The following INO80D variants were observed in gnomAD, a reference collection of about 807,000 sequenced individuals.
The protein encoded by INO80D is INO80 complex subunit D.
In INO80D, 21 loss-of-function variants were observed where a neutral mutation model predicts 87.6. The observed-to-expected ratio is 0.24, with a 90% confidence interval of 0.17 to 0.35. The LOEUF is 0.35. Among genes scored for constraint, INO80D ranks in the 10% least tolerant of loss-of-function variants. The pLI, the probability that INO80D is intolerant of heterozygous loss-of-function variation, is 1.00. For synonymous variants in INO80D, 440 were observed against 491.0 expected, an observed-to-expected ratio of 0.90 and a Z score of 1.37; for missense variants, 982 against 1,280.7, an observed-to-expected ratio of 0.77 and a Z score of 3.56.
intron 7 of INO80D, among the ~76,000 whole-genome samples, chr2:206,018,449 G>A (rs1688376268): frequency 6.6e-6 from 1 of 151,892 alleles, no homozygotes; most frequent in Non-Finnish European, 1.5e-5. Flanking sequence ...CCTGGCCAAT[G>A]GTTTTCTTTT....
intron 8 of INO80D, among the ~76,000 whole-genome samples, chr2:206,015,110 T>C (rs985061834): frequency 5.9e-5 from 9 of 152,324 alleles, no homozygotes; most frequent in Admixed American, 5.2e-4. Context: ...ACTTGGGTGC[T>C]ATTAGAAGCA....
chr2:206,060,394 G>T (rs376521030), intron 3 of INO80D, among the ~76,000 whole-genome samples: 1 of 151,728 alleles, frequency 6.6e-6, no homozygotes, highest in African/African-American at 2.4e-5. Context: ...TTAGCCGAGC[G>T]TGGTAGTGTG....
At chr2:206,077,504 C>A (rs1690152023) in intron 1 of INO80D, among the ~76,000 whole-genome samples, 1 of 152,086 alleles carries the variant, frequency 6.6e-6, no homozygotes, top group Non-Finnish European at 1.5e-5. Flanking sequence ...ATATTTCCTA[C>A]ATTCTATAGA....
chr2:206,066,754 G>A (rs914063614), intron 1 of INO80D, among the ~76,000 whole-genome samples: 12 of 146,842 alleles, frequency 8.2e-5, no homozygotes, highest in East Asian at 2.0e-4. Context: ...GCAGTGAGCC[G>A]AGATCGCACT....
chr2:206,017,955 C>T, intron 7 of INO80D, 142 bp from the exon 8 acceptor site: 1 of 654,172 alleles, frequency 1.5e-6, no homozygotes, highest in African/African-American at 1.8e-5. Flanking sequence ...AGTACTAGCT[C>T]AACTACTGAT....
At chr2:206,077,425 A>ATT (rs1690150193) in intron 1 of INO80D, among the ~76,000 whole-genome samples, 2 of 152,192 alleles carry the variant, frequency 1.3e-5, no homozygotes, top group African/African-American at 4.8e-5. Flanking sequence ...GTAGGACTAA[A>ATT]ATACATTCTC....
In INO80D at chr2:206,063,223, G is replaced by A; in HGVS notation, c.-102C>T. 1.8e-6 allele frequency: 1 copy of A among 570,178 alleles called. No individual in the cohort carries two copies. Among genetic ancestry groups the A allele is most frequent in the South Asian group, 2.4e-5 (1 of 41,218 alleles). 35.3% of individuals were successfully genotyped at this position (570,178 alleles called of 1,614,324 possible). A position where few individuals can be genotyped will look rare whatever the true frequency, so the allele number is the denominator to read the frequency against. On this transcript the variant is annotated 5_prime_UTR_variant, in exon 2 of 11. Coordinates refer to ENST00000403263, the MANE Select transcript of INO80D (RefSeq NM_017759.5). ...GGATACCACAGTTTGGAATGCCGCAGAATCAGGATGAAGCAGATTGTCTAT... is the reference window on the plus strand; with the variant it reads ...GGATACCACAGTTTGGAATGCCGCAAAATCAGGATGAAGCAGATTGTCTAT...
chr2:206,035,907 A>C (rs1688879864), intron 5 of INO80D, among the ~76,000 whole-genome samples: 2 of 152,176 alleles, frequency 1.3e-5, no homozygotes, highest in Admixed American at 6.5e-5. Flanking sequence ...CCCAATAAAA[A>C]GTGGGCTACG....
At chr2:206,074,357 T>TA (rs1690053996) in intron 1 of INO80D, among the ~76,000 whole-genome samples, 1 of 152,226 alleles carries the variant, frequency 6.6e-6, no homozygotes, top group Admixed American at 6.5e-5. Context: ...GTCACGCCTG[T>TA]AATCCCAGCA....
In INO80D at chr2:205,999,432, G is replaced by A. The variant is rs1359228032; in HGVS notation, c.*4936C>T. On this transcript the variant is annotated 3_prime_UTR_variant, in exon 11 of 11. Coordinates refer to ENST00000403263, the MANE Select transcript of INO80D (RefSeq NM_017759.5). ...AGATCACTAAAAACTGCTGTTCAAA[G>A]TAGCCAAACATCCCCAGTATTGGGG... is the stretch of plus-strand genomic sequence containing the variant. 1.3e-5 allele frequency: 2 copies of A among 152,162 alleles called. No homozygotes were observed. The highest frequency in any genetic ancestry group is 2.4e-5 in the African/African-American group (1 of 41,418). The allele number at this position is 152,162 out of a possible 1,614,324, so 9.4% of individuals were successfully genotyped here.
chr2:206,069,004 G>C (rs1177997298), intron 1 of INO80D, among the ~76,000 whole-genome samples: 10 of 152,014 alleles, frequency 6.6e-5, no homozygotes, highest in Admixed American at 6.6e-4. Context: ...CCTGGTCCAA[G>C]TCATTTTCTT....
chr2:206,083,296 A>G (rs943618918), intron 1 of INO80D, among the ~76,000 whole-genome samples: 3 of 152,210 alleles, frequency 2.0e-5, no homozygotes, highest in Non-Finnish European at 2.9e-5. Flanking sequence ...TACCTTTAAA[A>G]TATCAAATTA....
chr2:206,031,858 G>A (rs1355091190), intron 5 of INO80D, among the ~76,000 whole-genome samples: 1 of 152,192 alleles, frequency 6.6e-6, no homozygotes, highest in African/African-American at 2.4e-5. Flanking sequence ...TCCAAATACC[G>A]TGAGTGCCCA....
At position 206,040,285 on chromosome 2, in the gene INO80D, C is replaced by CAAA. The variant is rs35227213; in HGVS notation, c.1073+6216_1073+6218dup. ...TGGGTGACAGAGTGCGACTCTGTCT[C>CAAA]AAAAAAAAAAAAAAAAAAAGCCCAA... On this transcript the variant is annotated intron_variant, in intron 5 of 10. Transcript: ENST00000403263. The CAAA allele has an allele frequency of 1.2e-3, 96 of 80,752 alleles. 2 individuals are homozygous for CAAA. The highest frequency in any genetic ancestry group is 2.0e-3 in the Admixed American group (14 of 7,086). The allele number at this position is 80,752 out of a possible 1,614,324, so 5.0% of individuals were successfully genotyped here. A position where few individuals can be genotyped will look rare whatever the true frequency, so the allele number is the denominator to read the frequency against.
chr2:206,046,615 G>A lies in INO80D; in HGVS notation c.965-3C>T. The stretch of plus-strand genomic sequence containing the variant: ...GCTCTCTTCAGACCAGTCCAAACCT[G>A]GGTTAGACAGGAGATATTGCAAATT... On this transcript the variant is annotated splice_region_variant and splice_polypyrimidine_tract_variant and intron_variant, in intron 4 of 10. Coordinates refer to ENST00000403263, the MANE Select transcript of INO80D (RefSeq NM_017759.5). 6.3e-7 allele frequency: 1 copy of A among 1,588,170 alleles called. No individual in the cohort carries two copies. The highest frequency in any genetic ancestry group is 8.6e-7 in the Non-Finnish European group (1 of 1,157,554).
chr2:206,039,825 A>AAAAG (rs1553617937), intron 5 of INO80D, among the ~76,000 whole-genome samples: 10 of 150,692 alleles, frequency 6.6e-5, no homozygotes, highest in Admixed American at 2.7e-4. Flanking sequence ...AAAAAAAAAA[A>AAAAG]AAAGAAAGAA....
chr2:206,035,252 A>G (rs937940370), intron 5 of INO80D, among the ~76,000 whole-genome samples: 1 of 152,166 alleles, frequency 6.6e-6, no homozygotes, highest in African/African-American at 2.4e-5. Flanking sequence ...TCTAAAATTC[A>G]TAAGGAACCA....
At chr2:206,017,543 T>C (rs529190528) in intron 8 of INO80D, 137 bp downstream of exon 8, 2 of 600,332 alleles carry the variant, frequency 3.3e-6, no homozygotes, top group Admixed American at 3.6e-5. Flanking sequence ...TAATAAAATG[T>C]ATCTTAAGGG....
intron 4 of INO80D, among the ~76,000 whole-genome samples, chr2:206,048,194 C>T (rs542109644): frequency 6.6e-6 from 1 of 152,126 alleles, no homozygotes; most frequent in East Asian, 1.9e-4. Context: ...AGACTTTGTG[C>T]TCCATTATCT....
Sources: gnomAD v4.1 joint callset for allele counts (sites outside exome capture counted in the v4.1 genomes callset) on GRCh38, gnomAD v4.1.1 for gene constraint, MANE v1.5 for transcripts, NCBI Gene and HGNC (gene_info 2026-07-23, HGNC 2026-07-21) for gene names.